The following NEIL3 variants were observed in gnomAD, a reference collection of about 807,000 sequenced individuals.
NEIL3 encodes the protein nei like DNA glycosylase 3.
A neutral mutation model predicts 57.5 loss-of-function variants in NEIL3; 48 were observed. The observed-to-expected ratio is 0.83, with a 90% CI of 0.66 to 1.06. The LOEUF is 1.06. Ranked by LOEUF, NEIL3 falls within the 50% of genes least tolerant of loss-of-function variation. NEIL3 has a pLI of 0.00. For missense variants in NEIL3, 717 were observed against 739.1 expected (o/e 0.97, Z 0.35); for synonymous variants, 261 against 253.2 (o/e 1.03, Z -0.29).
At chr4:177,347,180 G>T (rs1735239786) in intron 6 of NEIL3, among the ~76,000 whole-genome samples, 1 of 152,080 alleles carries the variant, frequency 6.6e-6, no homozygotes, top group South Asian at 2.1e-4. Context: ...TTGTTGAAAA[G>T]ATTTGATGAC....
intron 2 of NEIL3, among the ~76,000 whole-genome samples, chr4:177,333,040 G>A (rs1419481980): frequency 6.6e-6 from 1 of 151,248 alleles, no homozygotes; most frequent in Non-Finnish European, 1.5e-5. Context: ...TTTATTTTTA[G>A]CATTGTTAAA....
Position 177,335,707 on chromosome 4 carries a change from G to C in NEIL3, c.298G>C (p.Gly100Arg). The C allele has an allele frequency of 1.2e-6, 2 of 1,608,598 alleles. No individual in the cohort carries two copies. The highest frequency in any genetic ancestry group is 1.7e-6 in the Non-Finnish European group (2 of 1,177,800). The change falls in exon 3 of 10, where the codon GGC becomes CGC. Residue 100 changes from glycine (G) to arginine (R), a missense_variant. Coordinates refer to ENST00000264596, the MANE Select transcript of NEIL3 (RefSeq NM_018248.3). ...TTTCAGGATTCATTTCGGAATGAAA[G>C]GCTTCATCATGATTAATCCACTTGA... is the stretch of plus-strand genomic sequence containing the variant. ...KALRIHFGMKGFIMINPLEYK... is the reference protein window; with the variant it reads ...KALRIHFGMKRFIMINPLEYK...
At chr4:177,333,175 A>AG (rs941808176) in intron 2 of NEIL3, among the ~76,000 whole-genome samples, 1 of 151,948 alleles carries the variant, frequency 6.6e-6, no homozygotes, top group African/African-American at 2.4e-5. Context: ...TTTTATAGGC[A>AG]GTTGCCTTAT....
Position 177,362,548 on chromosome 4 carries a change from CAT to C in NEIL3, c.*79_*80del. 1 of 1,133,450 alleles carries C rather than the reference CAT, an allele frequency of 8.8e-7. No homozygotes were observed. The highest frequency in any genetic ancestry group is 2.6e-5 in the Admixed American group (1 of 39,128). 70.2% of individuals were successfully genotyped at this position (1,133,450 alleles called of 1,614,324 possible). On this transcript the variant is annotated 3_prime_UTR_variant, in exon 10 of 10. Transcript: ENST00000264596. ...GTCCTCCTCTGTTTCATAGAAAAGTCATAGAATATCTATGATACATTGAAAAG... is the reference window on the plus strand; with the variant it reads ...GTCCTCCTCTGTTTCATAGAAAAGTCAGAATATCTATGATACATTGAAAAG...
Position 177,362,603 on chromosome 4 carries a change from T to C in NEIL3, c.*132T>C, listed in dbSNP as rs34652756. On this transcript the variant is annotated 3_prime_UTR_variant, in exon 10 of 10. Transcript: ENST00000264596. ...ACTGCAATATTTGAGAACTGTTCTT[T>C]TTTTTTCTTGTGTGTGCCATCTTTC... is the stretch of plus-strand genomic sequence containing the variant. The C allele has an allele frequency of 0.097, 65,324 of 674,268 alleles. 3,744 individuals carry two copies. Among genetic ancestry groups the C allele is most frequent in the South Asian group, 0.18 (6,380 of 34,880 alleles). 41.8% of individuals were successfully genotyped at this position (674,268 alleles called of 1,614,324 possible).
At chr4:177,331,708 G>A (rs7662870) in intron 2 of NEIL3, among the ~76,000 whole-genome samples, 32,285 of 152,080 alleles carry the variant, frequency 0.21, 3,723 homozygotes, top group Non-Finnish European at 0.27. Context: ...CAGACACCAT[G>A]TATAGACATA....
chr4:177,327,544 C>A (rs867765807), intron 2 of NEIL3, among the ~76,000 whole-genome samples: 2 of 152,104 alleles, frequency 1.3e-5, no homozygotes, highest in Non-Finnish European at 2.9e-5. Context: ...TTTTAAGCCT[C>A]GCATGCATTA....
At chr4:177,360,870 A>ATT (rs1045185965) in intron 9 of NEIL3, among the ~76,000 whole-genome samples, 193 bp downstream of exon 9, 3 of 152,226 alleles carry the variant, frequency 2.0e-5, no homozygotes, top group African/African-American at 7.2e-5. Context: ...ATTTAATAAA[A>ATT]TAATAGCTAT....
intron 6 of NEIL3, among the ~76,000 whole-genome samples, chr4:177,342,550 A>G (rs1553988254): frequency 6.6e-6 from 1 of 152,194 alleles, no homozygotes; most frequent in Non-Finnish European, 1.5e-5. Context: ...GGGTTCAGGG[A>G]TATTAGAGGT....
chr4:177,343,325 C>G (rs1007669447), intron 6 of NEIL3: 1 of 152,172 alleles, frequency 6.6e-6, no homozygotes, highest in Non-Finnish European at 1.5e-5. Context: ...AGCATTCCAA[C>G]TTCTCAGTTC....
rs774226011 is a variant in NEIL3 at position 177,309,903 on chromosome 4, G to C, written c.-51G>C. 4 of 1,578,422 alleles carry C rather than the reference G, an allele frequency of 2.5e-6. No individual in the cohort carries two copies. The African/African-American group carries it at 5.5e-5, about 22-fold the overall frequency. ...CCCGCGCAGCGTTGAGTTGCACAGC[G>C]GTATTCTCACCAGGCCCTGCAATCG... On this transcript the variant is annotated 5_prime_UTR_variant, in exon 1 of 10. Coordinates refer to ENST00000264596, the MANE Select transcript of NEIL3 (RefSeq NM_018248.3).
At chr4:177,332,983 T>G (rs1734910099) in intron 2 of NEIL3, among the ~76,000 whole-genome samples, 1 of 152,154 alleles carries the variant, frequency 6.6e-6, no homozygotes, top group South Asian at 2.1e-4. Context: ...GGTAGCTATG[T>G]TCACTTTCAG....
chr4:177,355,084 G>A (rs529426397), intron 8 of NEIL3, among the ~76,000 whole-genome samples: 227 of 152,178 alleles, frequency 1.5e-3, no homozygotes, highest in African/African-American at 4.8e-3. Context: ...ATGGCAACCC[G>A]ATGTTATATC....
chr4:177,336,177 T>G lies in NEIL3; in HGVS notation c.483T>G (p.Ser161Arg), dbSNP rs776845328. Residue 161 changes from serine to arginine, a missense_variant, in exon 4 of 10, where the codon AGT becomes AGG. Ser to Arg is a moderately radical substitution (Grantham distance 110). Transcript: ENST00000264596. ...KELDVCSPEF[S>R]FLRAESEVKK... The stretch of plus-strand genomic sequence containing the variant: ...TAGATGTATGTTCACCTGAATTTAG[T>G]TTCTTGAGAGCAGAAAGTGAAGTTA... The G allele has an allele frequency of 6.2e-7, 1 of 1,614,026 alleles. No individual in the cohort carries two copies. Among genetic ancestry groups the G allele is most frequent in the Non-Finnish European group, 8.5e-7 (1 of 1,179,886 alleles).
chr4:177,329,643 G>T (rs559290881), intron 2 of NEIL3, among the ~76,000 whole-genome samples: 1 of 152,286 alleles, frequency 6.6e-6, no homozygotes, highest in Non-Finnish European at 1.5e-5. Context: ...ACACTCTCTT[G>T]TCAGTAACTG....
At chr4:177,355,838 G>T (rs780109262) in intron 8 of NEIL3, among the ~76,000 whole-genome samples, 11 of 152,076 alleles carry the variant, frequency 7.2e-5, no homozygotes, top group Non-Finnish European at 1.6e-4. Flanking sequence ...TTTACCATCA[G>T]TTAATCCTGA....
Position 177,315,618 on chromosome 4 carries a change from G to A in NEIL3, c.156+5509G>A, listed in dbSNP as rs556926597. ...GTGATAACCCTAGATTCTATGGTAG[G>A]ACAAGTGAATATCTTATAAATCTTA... On this transcript the variant is annotated intron_variant, in intron 1 of 9. Transcript: ENST00000264596. 7.4e-4 allele frequency among the ~76,000 whole-genome samples: 112 copies of A among 152,256 alleles called. 6 individuals are homozygous for A. The South Asian group carries it at 0.023, about 32-fold the overall frequency.
At chr4:177,361,484 C>G (rs879203437) in intron 9 of NEIL3, among the ~76,000 whole-genome samples, 2 of 152,102 alleles carry the variant, frequency 1.3e-5, no homozygotes, top group African/African-American at 4.8e-5. Flanking sequence ...AGGAATTTCC[C>G]GGGGAAAACT....
At chr4:177,360,109 G>C (rs1034799132) in intron 8 of NEIL3, among the ~76,000 whole-genome samples, 2 of 152,176 alleles carry the variant, frequency 1.3e-5, no homozygotes, top group Admixed American at 6.5e-5. Context: ...ATTGTGACTA[G>C]CTACTTTGGG....
Sources: allele counts gnomAD v4.1 joint callset (sites outside exome capture counted in the v4.1 genomes callset), GRCh38; gene constraint gnomAD v4.1.1; transcripts MANE v1.5; gene names NCBI Gene and HGNC (gene_info 2026-07-23, HGNC 2026-07-21).